The following PIEZO2 variants were observed in gnomAD, a reference collection of about 807,000 sequenced individuals.
PIEZO2 encodes the protein piezo-type mechanosensitive ion channel component 2.
PIEZO2 carries 172 observed loss-of-function variants against 337.3 expected under a neutral mutation model. The ratio of observed to expected loss-of-function variants is 0.51; its 90% CI spans 0.45 to 0.58. The LOEUF is 0.58. Ranked by LOEUF, PIEZO2 falls within the 20% of genes least tolerant of loss-of-function variation. The pLI is 0.00. For missense variants in PIEZO2, 3,028 were observed against 3,391.3 expected, an observed-to-expected ratio of 0.89 and a Z score of 2.66; for synonymous variants, 1,251 against 1,228.5, an observed-to-expected ratio of 1.02 and a Z score of -0.38.
chr18:10,681,450 A>C lies in PIEZO2; in HGVS notation c.7779+211T>G, dbSNP rs3748429. The stretch of plus-strand genomic sequence containing the variant: ...AATTTTTAAAATGGATCAATATTTA[A>C]ATGTTTATTACCACTAATGTCCAAC... On this transcript the variant is annotated intron_variant, in intron 51 of 55. Transcript: ENST00000674853. 0.11 allele frequency among the ~76,000 whole-genome samples: 16,199 copies of C among 152,260 alleles called. 1,065 individuals are homozygous for C. Among genetic ancestry groups the C allele is most frequent in the East Asian group, 0.19 (959 of 5,180 alleles).
intron 21 of PIEZO2, among the ~76,000 whole-genome samples, chr18:10,764,589 C>A (rs1370400325): frequency 1.1e-3 from 152 of 143,100 alleles, no homozygotes; most frequent in South Asian, 1.6e-3. Flanking sequence ...CACTACGTCT[C>A]AAAAAAAAAA....
intron 35 of PIEZO2, among the ~76,000 whole-genome samples, chr18:10,734,114 T>C (rs2036898609): frequency 6.6e-6 from 1 of 152,234 alleles, no homozygotes; most frequent in African/African-American, 2.4e-5. Context: ...GTCTGTAAGA[T>C]AATTTTTTTG....
chr18:10,843,581 T>C (rs2041259263), intron 7 of PIEZO2, among the ~76,000 whole-genome samples: 1 of 152,216 alleles, frequency 6.6e-6, no homozygotes, highest in South Asian at 2.1e-4. Context: ...AAAATTTAAC[T>C]GTGAACCATG....
intron 2 of PIEZO2, among the ~76,000 whole-genome samples, chr18:11,054,844 G>A (rs9961880): frequency 0.036 from 5,530 of 152,242 alleles, 320 homozygotes; most frequent in African/African-American, 0.13. Context: ...TGGGGTGTGG[G>A]GGACTTGCTA....
Position 11,094,180 on chromosome 18 carries a change from T to C in PIEZO2, c.65-27958A>G, listed in dbSNP as rs2039192818. Among the ~76,000 whole-genome samples, 1 of 152,164 alleles carries C rather than the reference T, an allele frequency of 6.6e-6. No individual in the cohort carries two copies. ...TTTTAATAGAGACCAGGTTTCATCATGTTGGCCAGGCTCTTCTCTCTACTG... is the reference window on the plus strand; with the variant it reads ...TTTTAATAGAGACCAGGTTTCATCACGTTGGCCAGGCTCTTCTCTCTACTG... On this transcript the variant is annotated intron_variant, in intron 1 of 55. Coordinates refer to ENST00000674853, the MANE Select transcript of PIEZO2 (RefSeq NM_001378183.1). The surrounding 1 kb of genome is among the most constrained non-coding windows in gnomAD (Gnocchi z 4.4).
rs751126094 is a variant in PIEZO2 at position 10,759,696 on chromosome 18, C to T, written c.3655+9G>A. The T allele has an allele frequency of 3.3e-5, 50 of 1,537,106 alleles. No individual in the cohort carries two copies. The highest frequency in any genetic ancestry group is 3.9e-5 in the Non-Finnish European group (45 of 1,146,888). On this transcript the variant is annotated intron_variant, in intron 25 of 55. Transcript: ENST00000674853. The surrounding 1 kb of genome is among the most constrained non-coding windows in gnomAD (Gnocchi z 5.5). ...AAAAGTAGACGGCTCAAGGGAAGGG[C>T]AGGCTCACCTCGGCAAGGAGCAGGT...
intron 2 of PIEZO2, among the ~76,000 whole-genome samples, chr18:11,065,720 T>G (rs1349084066): frequency 5.3e-5 from 8 of 152,318 alleles, no homozygotes; most frequent in Non-Finnish European, 1.5e-5. Flanking sequence ...AAATGGCTCA[T>G]AAATATCAAA....
intron 11 of PIEZO2, among the ~76,000 whole-genome samples, chr18:10,798,038 T>C (rs79709062): frequency 0.056 from 8,567 of 152,298 alleles, 296 homozygotes; most frequent in Non-Finnish European, 0.066. Context: ...GTGTGAGAAC[T>C]GATGGCTCTG....
At chr18:10,960,760 A>T (rs2033736154) in intron 3 of PIEZO2, among the ~76,000 whole-genome samples, 2 of 152,196 alleles carry the variant, frequency 1.3e-5, no homozygotes, top group African/African-American at 4.8e-5. Flanking sequence ...CAATCTTTGT[A>T]ATCACCTCTC....
rs2039779621 is a variant in PIEZO2, at chr18:11,112,954, C to T, written c.64+35571G>A. 6.6e-6 allele frequency among the ~76,000 whole-genome samples: 1 copy of T among 152,192 alleles called. No homozygotes were observed. Among genetic ancestry groups the T allele is most frequent in the Non-Finnish European group, 1.5e-5 (1 of 68,030 alleles). Reference sequence around the variant, plus strand: ...TCAGGTTCAAGCTGCTCTCTAGATTCAGACCTACAGGATAAAGGTCCTGGT... The same window carrying T: ...TCAGGTTCAAGCTGCTCTCTAGATTTAGACCTACAGGATAAAGGTCCTGGT... On this transcript the variant is annotated intron_variant, in intron 1 of 55. Transcript: ENST00000674853. This position sits in a 1 kb window ranked among gnomAD's most constrained non-coding sequence, Gnocchi z 4.3.
chr18:10,700,145 GTTGTTTCCTCT>G (rs1457721305), intron 43 of PIEZO2, among the ~76,000 whole-genome samples: 2 of 152,138 alleles, frequency 1.3e-5, no homozygotes, highest in Non-Finnish European at 2.9e-5. Flanking sequence ...TATTTTAAGA[GTTGTTTCCTCT>G]TTGGCCAACC....
chr18:11,041,173 C>G (rs2037106173), intron 2 of PIEZO2, among the ~76,000 whole-genome samples: 1 of 152,204 alleles, frequency 6.6e-6, no homozygotes, highest in Non-Finnish European at 1.5e-5. Context: ...GTTCTCATCA[C>G]TGCCCAAAAG....
chr18:10,742,207 C>A (rs1457095001), intron 32 of PIEZO2, among the ~76,000 whole-genome samples: 3 of 152,116 alleles, frequency 2.0e-5, no homozygotes, highest in Admixed American at 2.0e-4. Context: ...AAAATCCTGC[C>A]AATCTACTGC....
intron 4 of PIEZO2, among the ~76,000 whole-genome samples, chr18:10,910,407 A>G (rs2030364657): frequency 6.6e-6 from 1 of 152,082 alleles, no homozygotes; most frequent in African/African-American, 2.4e-5. Flanking sequence ...ACATAGTGAA[A>G]CCCTGTCTCT....
chr18:10,963,052 T>C (rs1330261593), intron 3 of PIEZO2, among the ~76,000 whole-genome samples: 2 of 152,066 alleles, frequency 1.3e-5, no homozygotes, highest in Non-Finnish European at 2.9e-5. Flanking sequence ...TTTGGGAGCC[T>C]GAGGTGGGTG....
chr18:11,122,625 T>C (rs1280484056), intron 1 of PIEZO2, among the ~76,000 whole-genome samples: 3 of 152,170 alleles, frequency 2.0e-5, no homozygotes, highest in Non-Finnish European at 4.4e-5. Context: ...TTCACAAGAA[T>C]GTATTTCTAT....
At chr18:10,723,848 T>A (rs1598402118) in intron 36 of PIEZO2, among the ~76,000 whole-genome samples, 1 of 152,260 alleles carries the variant, frequency 6.6e-6, no homozygotes, top group East Asian at 1.9e-4. Flanking sequence ...CAGATTCCAA[T>A]TTGGATTTCA....
At chr18:11,025,442 C>T (rs983368567) in intron 2 of PIEZO2, among the ~76,000 whole-genome samples, 7 of 152,102 alleles carry the variant, frequency 4.6e-5, no homozygotes, top group Non-Finnish European at 1.0e-4. Context: ...GGCCAGAATT[C>T]CAGCTTCCTG....
At chr18:11,040,413 G>A (rs1252808388) in intron 2 of PIEZO2, among the ~76,000 whole-genome samples, 2 of 152,088 alleles carry the variant, frequency 1.3e-5, no homozygotes, top group African/African-American at 4.8e-5. Flanking sequence ...TGACTAAATT[G>A]ATCAGAACAT....
Sources: allele counts gnomAD v4.1 joint callset (sites outside exome capture counted in the v4.1 genomes callset), GRCh38; gene constraint gnomAD v4.1.1; non-coding constraint Gnocchi (gnomAD v3.1); transcripts MANE v1.5; gene names NCBI Gene and HGNC (gene_info 2026-07-23, HGNC 2026-07-21).